PGCKA1: variants seen among roughly 807,000 people sequenced by gnomAD.
PGCKA1 encodes PDCD10 and GCKIII kinases-associated protein 1.
chr4:37,480,447 C>T, the PGCKA1 span, among the ~76,000 whole-genome samples: 2 of 152,212 alleles, frequency 1.3e-5, no homozygotes, highest in Non-Finnish European at 2.9e-5. Flanking sequence ...CAGCTGAGAT[C>T]GCTCCGCTGC....
the PGCKA1 span, among the ~76,000 whole-genome samples, chr4:37,548,568 A>T: frequency 5.3e-5 from 8 of 152,176 alleles, no homozygotes; most frequent in Non-Finnish European, 7.4e-5. Context: ...ATAAAATCTT[A>T]CCTTATGGTC....
chr4:37,490,449 C>G, the PGCKA1 span, among the ~76,000 whole-genome samples: 2 of 152,112 alleles, frequency 1.3e-5, no homozygotes, highest in Non-Finnish European at 2.9e-5. Flanking sequence ...CCAATGCTAC[C>G]AAGAAGAGCG....
At chr4:37,561,920 C>T in the PGCKA1 span, among the ~76,000 whole-genome samples, 2 of 152,170 alleles carry the variant, frequency 1.3e-5, no homozygotes, top group Non-Finnish European at 1.5e-5. Flanking sequence ...CTGAACAAAG[C>T]TTATCTAACA....
chr4:37,550,427 C>T, the PGCKA1 span, among the ~76,000 whole-genome samples: 1 of 152,092 alleles, frequency 6.6e-6, no homozygotes, highest in Admixed American at 6.5e-5. Flanking sequence ...CAATACTGGT[C>T]TTGTGTCATT....
the PGCKA1 span, among the ~76,000 whole-genome samples, chr4:37,580,052 CTGT>C: frequency 6.6e-6 from 1 of 152,034 alleles, no homozygotes; most frequent in Non-Finnish European, 1.5e-5. Context: ...ATTAATTCTG[CTGT>C]TAAGAGACTC....
the PGCKA1 span, among the ~76,000 whole-genome samples, chr4:37,506,038 A>T: frequency 3.4e-3 from 518 of 152,294 alleles, 5 homozygotes; most frequent in African/African-American, 0.012. Context: ...CTAGGAATTT[A>T]TCCATATCTT....
At chr4:37,506,589 A>C in the PGCKA1 span, among the ~76,000 whole-genome samples, 88,193 of 148,506 alleles carry the variant, frequency 0.59, 26,379 homozygotes, top group South Asian at 0.75. Context: ...TTCCAAAATT[A>C]CTTTTTTTTT....
At chr4:37,588,459 G>C in the PGCKA1 span, 1 of 164,552 alleles carries the variant, frequency 6.1e-6, no homozygotes, top group African/African-American at 2.4e-5. Context: ...CTGCTGCTGC[G>C]TGCAGTGGGC....
chr4:37,593,325 C>T, the PGCKA1 span, among the ~76,000 whole-genome samples: 2 of 152,102 alleles, frequency 1.3e-5, no homozygotes, highest in African/African-American at 2.4e-5. Context: ...GTATCACTGG[C>T]CCGTGTATCA....
chr4:37,564,265 ACT>A, the PGCKA1 span, among the ~76,000 whole-genome samples: 3 of 131,130 alleles, frequency 2.3e-5, no homozygotes, highest in South Asian at 5.4e-4. Flanking sequence ...CAAGAGTGAG[ACT>A]CTGTCTCAAA....
At chr4:37,481,934 G>C in the PGCKA1 span, among the ~76,000 whole-genome samples, 21,118 of 152,116 alleles carry the variant, frequency 0.14, 1,696 homozygotes, top group East Asian at 0.33. Flanking sequence ...GGTTTTATAA[G>C]GGGTTTCCCC....
chr4:37,583,740 G>A, the PGCKA1 span, among the ~76,000 whole-genome samples: 5 of 152,174 alleles, frequency 3.3e-5, no homozygotes, highest in Admixed American at 2.0e-4. Context: ...AGAAGCAGGC[G>A]GCAGCAGCAT....
the PGCKA1 span, among the ~76,000 whole-genome samples, chr4:37,577,055 G>A: frequency 3.2e-3 from 493 of 152,040 alleles, 3 homozygotes; most frequent in Middle Eastern, 6.8e-3. Flanking sequence ...TTTTTTTGAT[G>A]TGTCTTTGTC....
At chr4:37,574,782 G>C in the PGCKA1 span, among the ~76,000 whole-genome samples, 1 of 150,368 alleles carries the variant, frequency 6.7e-6, no homozygotes, top group Non-Finnish European at 1.5e-5. Context: ...ACAGCTTCTG[G>C]TAACCATCTA....
At chr4:37,475,856 C>T in the PGCKA1 span, among the ~76,000 whole-genome samples, 1 of 151,366 alleles carries the variant, frequency 6.6e-6, no homozygotes, top group East Asian at 1.9e-4. Context: ...TTTACTGTGG[C>T]CAAAATTCAA....
At chr4:37,570,412 G>A in the PGCKA1 span, among the ~76,000 whole-genome samples, 1 of 125,666 alleles carries the variant, frequency 8.0e-6, no homozygotes, top group African/African-American at 3.2e-5. Context: ...GCCCAAAAGA[G>A]TAGGAAATGT....
chr4:37,565,437 A>G, the PGCKA1 span, among the ~76,000 whole-genome samples: 14 of 152,278 alleles, frequency 9.2e-5, no homozygotes, highest in African/African-American at 3.1e-4. Context: ...GTGCAAGGTC[A>G]GCCATGGAGG....
the PGCKA1 span, among the ~76,000 whole-genome samples, chr4:37,554,043 G>A: frequency 6.6e-6 from 1 of 152,192 alleles, no homozygotes; most frequent in Admixed American, 6.5e-5. Flanking sequence ...CCCACGTGTT[G>A]TGGGAGGTAA....
chr4:37,591,775 T>C, the PGCKA1 span: 4 of 152,260 alleles, frequency 2.6e-5, no homozygotes, highest in Admixed American at 1.3e-4. Context: ...AAGCCATATA[T>C]GCAATGTTTT....
Sources: allele counts gnomAD v4.1 joint callset (sites outside exome capture counted in the v4.1 genomes callset), GRCh38; gene constraint gnomAD v4.1.1; transcripts MANE v1.5; gene names NCBI Gene and HGNC (gene_info 2026-07-23, HGNC 2026-07-21).